The following CUL1 variants were observed in gnomAD, a reference collection of about 807,000 sequenced individuals.
CUL1 encodes cullin 1.
Under a neutral mutation model 118.0 loss-of-function variants are expected in CUL1, and 24 were observed. The observed-to-expected ratio is 0.20, with a 90% CI of 0.15 to 0.29. The LOEUF (loss-of-function observed/expected upper bound fraction) is 0.29. Among genes scored for constraint, CUL1 ranks in the 10% least tolerant of loss-of-function variants. The probability of loss-of-function intolerance (pLI) is 1.00; values close to 1 mark genes in which losing one functional copy is unlikely to be tolerated. For synonymous variants in CUL1, 332 were observed against 340.4 expected (o/e 0.98, Z 0.27); for missense variants, 361 against 933.8 (o/e 0.39, Z 7.99).
chr7:148,709,553 C>T (rs999949254), intron 1 of CUL1, among the ~76,000 whole-genome samples: 14 of 152,168 alleles, frequency 9.2e-5, no homozygotes, highest in African/African-American at 3.4e-4. Flanking sequence ...TGGGAACATG[C>T]ATTTATGTTT....
chr7:148,752,285 A>G (rs542263045), intron 2 of CUL1, among the ~76,000 whole-genome samples: 6 of 152,300 alleles, frequency 3.9e-5, no homozygotes, highest in Non-Finnish European at 7.4e-5. Flanking sequence ...AACCTGTAAT[A>G]TTTTATTTTC....
At chr7:148,710,036 G>T (rs148036464) in intron 1 of CUL1, among the ~76,000 whole-genome samples, 1 of 152,072 alleles carries the variant, frequency 6.6e-6, no homozygotes, top group Non-Finnish European at 1.5e-5. Context: ...GCAGTGAGCC[G>T]AGGTGGCACC....
chr7:148,786,477 C>G, intron 11 of CUL1, 74 bp from the exon 12 acceptor site: 4 of 1,124,740 alleles, frequency 3.6e-6, no homozygotes, highest in Non-Finnish European at 5.4e-6. Context: ...ATGCTTGAAG[C>G]TGCATTCTGG....
intron 1 of CUL1, among the ~76,000 whole-genome samples, chr7:148,704,141 C>T (rs1797807618): frequency 6.6e-6 from 1 of 151,606 alleles, no homozygotes; most frequent in Admixed American, 6.6e-5. Flanking sequence ...CATGTGAACA[C>T]CACCAACAAA....
chr7:148,763,176 C>G (rs1232955761), intron 7 of CUL1, among the ~76,000 whole-genome samples: 1 of 151,818 alleles, frequency 6.6e-6, no homozygotes, highest in Non-Finnish European at 1.5e-5. Context: ...AAAATAAAAC[C>G]AGGCCTGACA....
At chr7:148,792,438 G>A (rs1205428781) in intron 16 of CUL1, among the ~76,000 whole-genome samples, 1 of 152,054 alleles carries the variant, frequency 6.6e-6, no homozygotes, top group Non-Finnish European at 1.5e-5. Flanking sequence ...AAATGCGTGG[G>A]GACGTATCTA....
At chr7:148,729,475 A>T (rs909454019) in intron 1 of CUL1, among the ~76,000 whole-genome samples, 1 of 152,048 alleles carries the variant, frequency 6.6e-6, no homozygotes, top group African/African-American at 2.4e-5. Context: ...GGGAGTGCCT[A>T]TTTCCTTTTA....
intron 1 of CUL1, among the ~76,000 whole-genome samples, chr7:148,725,217 GCGCTCACACACA>G (rs1047769693): frequency 1.3e-4 from 10 of 75,532 alleles, no homozygotes; most frequent in African/African-American, 4.3e-4. Context: ...ACACACGCGC[GCGCTCACACACA>G]CACACACACA....
Position 148,724,060 on chromosome 7 carries a change from G to A in CUL1, c.-161-5902G>A, listed in dbSNP as rs527540946. 6.6e-5 allele frequency among the ~76,000 whole-genome samples: 10 copies of A among 152,328 alleles called. No homozygotes were observed. The East Asian group carries it at 1.3e-3, about 21-fold the overall frequency. ...CAGTTGATGTTGCAATTAGTGTTTA[G>A]TGGAAGACTGTTGTAAGTGCTCTTT... On this transcript the variant is annotated intron_variant, in intron 1 of 21. Coordinates refer to ENST00000325222, the MANE Select transcript of CUL1 (RefSeq NM_003592.3).
chr7:148,776,633 T>G (rs1170312587), intron 9 of CUL1, among the ~76,000 whole-genome samples: 1 of 152,128 alleles, frequency 6.6e-6, no homozygotes, highest in Non-Finnish European at 1.5e-5. Context: ...GTCATTTTTA[T>G]ATCCAACATA....
chr7:148,713,882 C>G (rs995872658), intron 1 of CUL1, among the ~76,000 whole-genome samples: 1 of 152,122 alleles, frequency 6.6e-6, no homozygotes, highest in African/African-American at 2.4e-5. Flanking sequence ...TGCCACCACA[C>G]CAGGCAAATT....
intron 2 of CUL1, among the ~76,000 whole-genome samples, chr7:148,737,339 G>C (rs570595496): frequency 2.6e-5 from 4 of 151,996 alleles, no homozygotes; most frequent in African/African-American, 9.6e-5. Context: ...ATTGCAATTA[G>C]TTTTTACTTT....
intron 11 of CUL1, 71 bp from the exon 12 acceptor site, chr7:148,786,480 C>T: frequency 8.7e-7 from 1 of 1,155,326 alleles, no homozygotes; most frequent in Non-Finnish European, 1.3e-6. Flanking sequence ...CTTGAAGCTG[C>T]ATTCTGGCTA....
At chr7:148,797,702 ATT>A (rs10559092) in intron 17 of CUL1, 108 bp from the exon 18 acceptor site, 40,075 of 647,168 alleles carry the variant, frequency 0.062, 702 homozygotes, top group African/African-American at 0.2. Context: ...CTTTTGGGTG[ATT>A]TTTTTTTTTT....
chr7:148,717,561 C>T lies in CUL1; in HGVS notation c.-161-12401C>T, dbSNP rs145134832. ...CCATTGCTGTTGGTCTAAGTTGAGC[C>T]GTTATCTCGGTGTCACTTGTCTTCT... On this transcript the variant is annotated intron_variant, in intron 1 of 21. Transcript: ENST00000325222. Among the ~76,000 whole-genome samples, 489 of 151,974 alleles carry T rather than the reference C, an allele frequency of 3.2e-3. 4 individuals carry two copies. The highest frequency in any genetic ancestry group is 0.011 in the African/African-American group (475 of 41,428).
At position 148,800,394 on chromosome 7, in the gene CUL1, C is replaced by T. The variant is rs1192295724; in HGVS notation, c.2251-108C>T. On this transcript the variant is annotated intron_variant, in intron 21 of 21. Coordinates refer to ENST00000325222, the MANE Select transcript of CUL1 (RefSeq NM_003592.3). The surrounding 1 kb of genome is among the most constrained non-coding windows in gnomAD (Gnocchi z 4.6). ...GGCGGGGACACTGCTCCCCACTGAG[C>T]TCCGAATCAGGGGAGATTTGTGGTG... 5.9e-6 allele frequency: 5 copies of T among 845,614 alleles called. No individual in the cohort carries two copies. Among genetic ancestry groups the T allele is most frequent in the Non-Finnish European group, 1.9e-6 (1 of 515,130 alleles). 52.4% of individuals were successfully genotyped at this position (845,614 alleles called of 1,614,324 possible).
intron 9 of CUL1, among the ~76,000 whole-genome samples, chr7:148,776,307 CTTTTTTTTT>C (rs746777462): frequency 0.016 from 637 of 40,678 alleles, 10 homozygotes; most frequent in Admixed American, 0.068. Flanking sequence ...CATAACCAGG[CTTTTTTTTT>C]TTTTTTTTTT....
intron 1 of CUL1, among the ~76,000 whole-genome samples, chr7:148,710,500 C>T (rs907157248): frequency 1.3e-5 from 2 of 152,186 alleles, no homozygotes; most frequent in South Asian, 2.1e-4. Flanking sequence ...ACCCGGGAGG[C>T]GGAGGTTGTG....
chr7:148,786,642 T>C (rs1800824899), intron 12 of CUL1, 43 bp downstream of exon 12: 2 of 1,505,176 alleles, frequency 1.3e-6, no homozygotes, highest in African/African-American at 2.8e-5. Context: ...AGCTGTGTAT[T>C]TCACAAGCTG....
Sources: gnomAD v4.1 joint callset for allele counts (sites outside exome capture counted in the v4.1 genomes callset) on GRCh38, gnomAD v4.1.1 for gene constraint, Gnocchi (gnomAD v3.1) non-coding constraint, MANE v1.5 for transcripts, NCBI Gene and HGNC (gene_info 2026-07-23, HGNC 2026-07-21) for gene names.